RBFOX1: variants seen among roughly 807,000 people sequenced by gnomAD.
The protein encoded by RBFOX1 is RNA binding fox-1 homolog 1.
In RBFOX1, 8 loss-of-function variants were observed where a neutral mutation model predicts 57.7. The ratio of observed to expected loss-of-function variants is 0.14; its 90% CI spans 0.08 to 0.25. RBFOX1 has a LOEUF of 0.25. Among genes scored for constraint, RBFOX1 ranks in the 10% least tolerant of loss-of-function variants. The pLI, the probability that RBFOX1 is intolerant of heterozygous loss-of-function variation, is 1.00. For synonymous variants in RBFOX1, 326 were observed against 222.4 expected (o/e 1.47, Z -4.15); for missense variants, 611 against 548.5 (o/e 1.11, Z -1.14).
chr16:6,823,054 T>C (rs1043114162), intron 3 of RBFOX1, among the ~76,000 whole-genome samples: 5 of 152,120 alleles, frequency 3.3e-5, no homozygotes, highest in Admixed American at 6.5e-5. Flanking sequence ...TATTGGCATG[T>C]GTGTTGAATA....
At position 7,187,940 on chromosome 16, in the gene RBFOX1, A is replaced by G. The variant is rs530469243; in HGVS notation, c.27+135842A>G. 3.4e-3 allele frequency among the ~76,000 whole-genome samples: 522 copies of G among 152,326 alleles called. 3 individuals carry two copies. The highest frequency in any genetic ancestry group is 5.4e-3 in the Non-Finnish European group (365 of 68,042). On this transcript the variant is annotated intron_variant, in intron 4 of 15. Coordinates refer to ENST00000550418, the MANE Select transcript of RBFOX1 (RefSeq NM_018723.4). ...TCCATGACCGCATGGGTCAAATCAC[A>G]GCACTTTAAGAATCAACTCACAGAG... is the stretch of plus-strand genomic sequence containing the variant.
In RBFOX1 at chr16:7,711,683, G is replaced by A. The variant is rs1338615742; in HGVS notation, c.*938G>A. 6.6e-6 allele frequency: 1 copy of A among 152,490 alleles called. No individual in the cohort carries two copies. Among genetic ancestry groups the A allele is most frequent in the Non-Finnish European group, 1.5e-5 (1 of 68,022 alleles). The allele number at this position is 152,490 out of a possible 1,614,324, so 9.4% of individuals were successfully genotyped here. On this transcript the variant is annotated 3_prime_UTR_variant, in exon 16 of 16. Transcript: ENST00000550418. Reference sequence around the variant, plus strand: ...AAAAAAATGTATAAAATTTACATCTGTGCAGTGGAGTTGTTAAGTTCTAGA... The same window carrying A: ...AAAAAAATGTATAAAATTTACATCTATGCAGTGGAGTTGTTAAGTTCTAGA...
chr16:5,526,638 C>G (rs2044257668), intron 2 of RBFOX1, among the ~76,000 whole-genome samples: 1 of 152,094 alleles, frequency 6.6e-6, no homozygotes, highest in Non-Finnish European at 1.5e-5. Context: ...TTCCCAAGGA[C>G]ACACAAGCAA....
chr16:6,334,078 G>C (rs1230637659), intron 2 of RBFOX1, among the ~76,000 whole-genome samples: 1 of 152,136 alleles, frequency 6.6e-6, no homozygotes, highest in Non-Finnish European at 1.5e-5. Context: ...AATTTTCCTT[G>C]ATTAAAGAAG....
intron 2 of RBFOX1, among the ~76,000 whole-genome samples, chr16:6,557,726 T>A (rs11647941): frequency 0.013 from 2,032 of 152,334 alleles, 22 homozygotes; most frequent in South Asian, 0.024. Context: ...CATAAGCATT[T>A]TCCTTCTTCG....
intron 2 of RBFOX1, among the ~76,000 whole-genome samples, chr16:5,555,478 T>C (rs1483969735): frequency 6.6e-6 from 1 of 151,884 alleles, no homozygotes; most frequent in Non-Finnish European, 1.5e-5. Flanking sequence ...CTTGAACTCC[T>C]GACCTCAGGT....
At chr16:5,670,998 C>G (rs568203687) in intron 3 of RBFOX1, among the ~76,000 whole-genome samples, 9 of 152,192 alleles carry the variant, frequency 5.9e-5, no homozygotes, top group African/African-American at 2.2e-4. Context: ...GACTCAGAGC[C>G]CCCCTCACTG....
intron 2 of RBFOX1, among the ~76,000 whole-genome samples, chr16:6,647,832 A>G (rs2098546372): frequency 6.6e-6 from 1 of 152,052 alleles, no homozygotes; most frequent in Non-Finnish European, 1.5e-5. Context: ...CTGCCTAGGG[A>G]TAAGTGATCC....
Position 6,032,203 on chromosome 16 carries a change from C to G in RBFOX1, c.-127+12211C>G, listed in dbSNP as rs144042602. On this transcript the variant is annotated intron_variant, in intron 1 of 15. Coordinates refer to ENST00000550418, the MANE Select transcript of RBFOX1 (RefSeq NM_018723.4). ...TCCTTCTTCCTTGCTGGTCTTGGAA[C>G]AAGAAACATTTAGCTGTATTTTCCT... 5.7e-4 allele frequency among the ~76,000 whole-genome samples: 87 copies of G among 152,160 alleles called. 1 individual carries two copies. In the East Asian group the frequency reaches 0.015, roughly 26 times the overall value.
At chr16:6,565,450 G>C (rs955755000) in intron 2 of RBFOX1, among the ~76,000 whole-genome samples, 2 of 151,486 alleles carry the variant, frequency 1.3e-5, no homozygotes, top group African/African-American at 4.8e-5. Context: ...GTAGAGATGG[G>C]GTTTCACCAT....
chr16:6,985,222 C>G (rs377745285), intron 3 of RBFOX1, among the ~76,000 whole-genome samples: 1 of 147,900 alleles, frequency 6.8e-6, no homozygotes, highest in Non-Finnish European at 1.5e-5. Flanking sequence ...ATTTTTTTCT[C>G]TGGCCTCTTG....
At chr16:5,548,903 C>G (rs928109290) in intron 2 of RBFOX1, among the ~76,000 whole-genome samples, 2 of 152,080 alleles carry the variant, frequency 1.3e-5, no homozygotes, top group African/African-American at 2.4e-5. Context: ...AGGGGCACTT[C>G]CGCAAAAAAA....
At chr16:6,701,932 C>T (rs762213869) in intron 3 of RBFOX1, among the ~76,000 whole-genome samples, 95 of 152,124 alleles carry the variant, frequency 6.2e-4, no homozygotes, top group Non-Finnish European at 7.6e-4. Context: ...CAACAGACAC[C>T]GGGGCCTGCT....
intron 4 of RBFOX1, among the ~76,000 whole-genome samples, chr16:7,344,015 T>C (rs2145464223): frequency 6.6e-6 from 1 of 152,116 alleles, no homozygotes; most frequent in Non-Finnish European, 1.5e-5. Flanking sequence ...ATCTTGAGTG[T>C]TTTCTATATA....
At chr16:7,159,798 G>T (rs1345471619) in intron 4 of RBFOX1, among the ~76,000 whole-genome samples, 3 of 152,094 alleles carry the variant, frequency 2.0e-5, no homozygotes, top group Admixed American at 2.0e-4. Context: ...AAGAGCCAAC[G>T]CATACATCCC....
At chr16:6,646,672 C>T (rs1001396954) in intron 2 of RBFOX1, among the ~76,000 whole-genome samples, 1 of 152,058 alleles carries the variant, frequency 6.6e-6, no homozygotes, top group African/African-American at 2.4e-5. Flanking sequence ...CAAAAGCAGA[C>T]AGAGAGCTGC....
At chr16:7,701,949 G>C (rs757445135) in intron 14 of RBFOX1, among the ~76,000 whole-genome samples, 2 of 152,204 alleles carry the variant, frequency 1.3e-5, no homozygotes, top group Non-Finnish European at 1.5e-5. Flanking sequence ...ATGGCCTGAG[G>C]TTCTGGAAAC....
At chr16:6,448,875 A>C (rs556567661) in intron 2 of RBFOX1, among the ~76,000 whole-genome samples, 18 of 152,222 alleles carry the variant, frequency 1.2e-4, no homozygotes, top group Admixed American at 3.9e-4. Flanking sequence ...TTTTATTTTG[A>C]GTTGAGAGAT....
intron 1 of RBFOX1, among the ~76,000 whole-genome samples, chr16:5,251,363 C>A (rs1357997813): frequency 3.9e-5 from 6 of 152,256 alleles, no homozygotes; most frequent in African/African-American, 1.2e-4. Context: ...TTCACGGCGC[C>A]GGCCTTGTGC....
Sources: allele counts gnomAD v4.1 joint callset (sites outside exome capture counted in the v4.1 genomes callset), GRCh38; gene constraint gnomAD v4.1.1; transcripts MANE v1.5; gene names NCBI Gene and HGNC (gene_info 2026-07-23, HGNC 2026-07-21).